TEX26: variants seen among roughly 807,000 people sequenced by gnomAD.
TEX26 encodes testis expressed 26, also known as testis-expressed protein 26.
TEX26 carries 34 observed loss-of-function variants against 35.3 expected under a neutral mutation model. The ratio of observed to expected loss-of-function variants is 0.96; its 90% CI spans 0.73 to 1.28. The LOEUF (loss-of-function observed/expected upper bound fraction) is 1.28. Among genes scored for constraint, TEX26 ranks in the 50% most tolerant of loss-of-function variants. The pLI is 0.00. For missense variants in TEX26, 371 were observed against 330.1 expected (o/e 1.12, Z -0.96); for synonymous variants, 136 against 111.8 (o/e 1.22, Z -1.36).
At position 30,939,739 on chromosome 13, in the gene TEX26, C is replaced by A. The variant is rs1222703905; in HGVS notation, c.107C>A (p.Ala36Glu). 1 of 1,614,074 alleles carries A rather than the reference C, an allele frequency of 6.2e-7. No homozygotes were observed. Among genetic ancestry groups the A allele is most frequent in the East Asian group, 2.2e-5 (1 of 44,880 alleles). ...TCCTATGCTACCACTATGAGGACTG[C>A]ATTCACGCCTAAAACAGGAGCAGTG... ...WDSYATTMRT[A>E]FTPKTGAVPA... Residue 36 changes from alanine to glutamate, a missense_variant, in exon 2 of 7, where the codon GCA becomes GAA. Transcript: ENST00000380473.
chr13:30,934,372 G>T (rs2049317629), intron 1 of TEX26, among the ~76,000 whole-genome samples: 1 of 152,252 alleles, frequency 6.6e-6, no homozygotes, highest in African/African-American at 2.4e-5. Flanking sequence ...GGATGAGGTT[G>T]ATGGTGACTG....
rs935666716 is a variant in TEX26, at chr13:30,969,059, C to T, written c.808+13C>T. The stretch of plus-strand genomic sequence containing the variant: ...CTTTCCTACAAAGGTAAGATGAGGT[C>T]TTATTTCACACACTTACAGATCACA... On this transcript the variant is annotated intron_variant, in intron 6 of 6. Transcript: ENST00000380473. 1 of 1,607,364 alleles carries T rather than the reference C, an allele frequency of 6.2e-7. No homozygotes were observed. Among genetic ancestry groups the T allele is most frequent in the South Asian group, 1.1e-5 (1 of 89,736 alleles).
intron 3 of TEX26, among the ~76,000 whole-genome samples, chr13:30,954,306 A>G (rs1234524690): frequency 6.7e-6 from 1 of 150,264 alleles, no homozygotes. Flanking sequence ...ACACACACAC[A>G]CACACACACA....
intron 6 of TEX26, among the ~76,000 whole-genome samples, chr13:30,969,884 T>C (rs1954658642): frequency 6.6e-6 from 1 of 152,284 alleles, no homozygotes; most frequent in Non-Finnish European, 1.5e-5. Context: ...TGTACCCAGC[T>C]GATCATTTTC....
At chr13:30,967,915 C>T (rs371683216) in intron 5 of TEX26, among the ~76,000 whole-genome samples, 11 of 152,110 alleles carry the variant, frequency 7.2e-5, no homozygotes, top group Non-Finnish European at 1.0e-4. Context: ...AATCCTCATC[C>T]GAAGATGCCT....
At chr13:30,966,630 G>A (rs1272860776) in intron 5 of TEX26, among the ~76,000 whole-genome samples, 1 of 151,918 alleles carries the variant, frequency 6.6e-6, no homozygotes. Flanking sequence ...GTAGAGATGG[G>A]ATTTTGCCAT....
chr13:30,940,322 C>CTTTTTTTTTTTTTTTTTT lies in TEX26; in HGVS notation c.146+556_146+573dup, dbSNP rs869246492. 1.2e-4 allele frequency among the ~76,000 whole-genome samples: 6 copies of CTTTTTTTTTTTTTTTTTT among 52,044 alleles called. 1 individual carries two copies. Among genetic ancestry groups the CTTTTTTTTTTTTTTTTTT allele is most frequent in the Admixed American group, 5.9e-4 (2 of 3,370 alleles). 34.1% of individuals were successfully genotyped at this position (52,044 alleles called of 152,430 possible). ...GTGGGAGTTTCTAAACATCAGCTGC[C>CTTTTTTTTTTTTTTTTTT]TTTTTTTTTTTTTTTTTTTTTTTTT... On this transcript the variant is annotated intron_variant, in intron 2 of 6. Transcript: ENST00000380473.
intron 4 of TEX26, among the ~76,000 whole-genome samples, chr13:30,962,173 A>G (rs2138305122): frequency 6.6e-6 from 1 of 152,326 alleles, no homozygotes; most frequent in Middle Eastern, 3.4e-3. Context: ...TGTCCATAAG[A>G]CAGCCATCAT....
intron 6 of TEX26, among the ~76,000 whole-genome samples, chr13:30,969,534 G>T (rs1417972764): frequency 1.3e-5 from 2 of 152,194 alleles, no homozygotes; most frequent in African/African-American, 4.8e-5. Context: ...CATGACAAAA[G>T]ACTTATCCTA....
chr13:30,937,496 T>G (rs1953318148), intron 1 of TEX26, among the ~76,000 whole-genome samples: 1 of 143,560 alleles, frequency 7.0e-6, no homozygotes, highest in Non-Finnish European at 1.5e-5. Context: ...GAAGTTCAAA[T>G]CAGGTTAGAG....
At chr13:30,957,864 C>G (rs74046406) in intron 4 of TEX26, among the ~76,000 whole-genome samples, 4,758 of 152,298 alleles carry the variant, frequency 0.031, 237 homozygotes, top group African/African-American at 0.11. Context: ...GGATGAGTGA[C>G]TGACAGATGT....
At chr13:30,965,383 C>T (rs914780944) in intron 4 of TEX26, among the ~76,000 whole-genome samples, 2 of 152,124 alleles carry the variant, frequency 1.3e-5, no homozygotes, top group Non-Finnish European at 2.9e-5. Context: ...TATTGGAAAA[C>T]TAATTTGGAA....
At position 30,975,054 on chromosome 13, in the gene TEX26, C is replaced by A. The variant is rs553445968; in HGVS notation, c.*147C>A. On this transcript the variant is annotated 3_prime_UTR_variant, in exon 7 of 7. Coordinates refer to ENST00000380473, the MANE Select transcript of TEX26 (RefSeq NM_152325.3). ...AGTCATGAATTTGTGTCTTTTGCTC[C>A]GCTTTATTTTTAAACAATAAAATTA... is the stretch of plus-strand genomic sequence containing the variant. 3.7e-6 allele frequency: 2 copies of A among 535,066 alleles called. No homozygotes were observed. The highest frequency in any genetic ancestry group is 6.2e-6 in the Non-Finnish European group (2 of 320,618). The allele number at this position is 535,066 out of a possible 1,614,324, so 33.1% of individuals were successfully genotyped here.
At chr13:30,943,305 T>A (rs1430411922) in intron 2 of TEX26, among the ~76,000 whole-genome samples, 1 of 152,142 alleles carries the variant, frequency 6.6e-6, no homozygotes, top group Non-Finnish European at 1.5e-5. Context: ...TTGGTCATTG[T>A]TGTATATAGC....
At chr13:30,951,075 C>T (rs1027174784) in intron 2 of TEX26, among the ~76,000 whole-genome samples, 13 of 152,192 alleles carry the variant, frequency 8.5e-5, no homozygotes, top group African/African-American at 2.6e-4. Context: ...GTAATCCCAG[C>T]CTGTAGCATG....
At chr13:30,955,945 A>G (rs921095979) in intron 3 of TEX26, among the ~76,000 whole-genome samples, 6 of 152,194 alleles carry the variant, frequency 3.9e-5, no homozygotes, top group Non-Finnish European at 8.8e-5. Context: ...AAGCAAGATC[A>G]TGGGAAAGAG....
chr13:30,947,974 G>A (rs1201620359), intron 2 of TEX26, among the ~76,000 whole-genome samples: 2 of 152,032 alleles, frequency 1.3e-5, no homozygotes, highest in African/African-American at 4.8e-5. Context: ...ACACCCATGA[G>A]TGAGAACATG....
chr13:30,968,866 C>G lies in TEX26; in HGVS notation c.647-19C>G. ...GGGTGCCAGCCTTCCGACCTCTCCT[C>G]CCCTGTGTATTTCTATAGTGCCTTC... On this transcript the variant is annotated intron_variant, in intron 5 of 6. Transcript: ENST00000380473. The G allele has an allele frequency of 6.2e-7, 1 of 1,610,230 alleles. No individual in the cohort carries two copies. The highest frequency in any genetic ancestry group is 1.7e-4 in the Middle Eastern group (1 of 6,046).
At chr13:30,954,237 T>C (rs1351514921) in intron 3 of TEX26, among the ~76,000 whole-genome samples, 1 of 150,244 alleles carries the variant, frequency 6.7e-6, no homozygotes, top group East Asian at 1.9e-4. Flanking sequence ...CATTGTAATG[T>C]ATTCAACCCT....
Sources: gnomAD v4.1 joint callset for allele counts (sites outside exome capture counted in the v4.1 genomes callset) on GRCh38, gnomAD v4.1.1 for gene constraint, MANE v1.5 for transcripts, NCBI Gene and HGNC (gene_info 2026-07-23, HGNC 2026-07-21) for gene names.